Variants in LRMDA observed in about 807,000 individuals in gnomAD.
LRMDA encodes leucine rich melanocyte differentiation associated, also known as leucine-rich melanocyte differentiation-associated protein.
LRMDA carries 18 observed loss-of-function variants against 29.8 expected under a neutral mutation model. The observed-to-expected ratio is 0.60, with a 90% CI of 0.42 to 0.90. LRMDA has a LOEUF of 0.90. LRMDA is among the 40% of genes least tolerant of loss of function. The pLI is 0.00. For synonymous variants in LRMDA, 125 were observed against 109.4 expected (o/e 1.14, Z -0.89); for missense variants, 273 against 273.9 (o/e 1.00, Z 0.02).
At chr10:75,726,022 G>A (rs186989660) in intron 2 of LRMDA, among the ~76,000 whole-genome samples, 10 of 152,302 alleles carry the variant, frequency 6.6e-5, no homozygotes, top group South Asian at 6.2e-4. Context: ...CAAGGGGACC[G>A]TGAAGAGAGT....
chr10:75,620,845 T>G (rs1841172214), intron 2 of LRMDA, among the ~76,000 whole-genome samples: 1 of 152,214 alleles, frequency 6.6e-6, no homozygotes. Flanking sequence ...ATTTTTAACT[T>G]TTTTATTTCA....
At chr10:75,751,450 A>G (rs1842968795) in intron 2 of LRMDA, among the ~76,000 whole-genome samples, 1 of 152,198 alleles carries the variant, frequency 6.6e-6, no homozygotes, top group East Asian at 1.9e-4. Flanking sequence ...CATGGACACA[A>G]ATATTTGGGA....
chr10:75,743,779 A>AG, intron 2 of LRMDA: 2 of 152,316 alleles, frequency 1.3e-5, no homozygotes, highest in South Asian at 4.1e-4. Flanking sequence ...AAGAATTCTG[A>AG]GCATGTAGGA....
chr10:76,225,443 C>A (rs1231752127), intron 5 of LRMDA, among the ~76,000 whole-genome samples: 1 of 151,812 alleles, frequency 6.6e-6, no homozygotes, highest in Non-Finnish European at 1.5e-5. Context: ...GATATTTGAT[C>A]CCCAGTGTTG....
chr10:75,518,061 T>C (rs2132035758), intron 2 of LRMDA, among the ~76,000 whole-genome samples: 1 of 152,300 alleles, frequency 6.6e-6, no homozygotes, highest in African/African-American at 2.4e-5. Flanking sequence ...CACTTGATTG[T>C]GGTGGATAAG....
At chr10:75,761,677 T>C (rs1294001833) in intron 2 of LRMDA, among the ~76,000 whole-genome samples, 2 of 152,138 alleles carry the variant, frequency 1.3e-5, no homozygotes, top group Admixed American at 6.5e-5. Flanking sequence ...AAAATACTTA[T>C]AATGGTAAAT....
chr10:75,711,879 G>T (rs1331830571), intron 2 of LRMDA, among the ~76,000 whole-genome samples: 1 of 151,830 alleles, frequency 6.6e-6, no homozygotes, highest in East Asian at 1.9e-4. Context: ...TGATCATGTA[G>T]TATGTTTCTC....
At chr10:76,307,802 A>G (rs539114386) in intron 5 of LRMDA, among the ~76,000 whole-genome samples, 45 of 152,346 alleles carry the variant, frequency 3.0e-4, no homozygotes, top group African/African-American at 9.9e-4. Flanking sequence ...AACAAAGCTG[A>G]GATAGAAATT....
At chr10:76,366,272 G>A (rs1841391195) in intron 6 of LRMDA, among the ~76,000 whole-genome samples, 1 of 152,120 alleles carries the variant, frequency 6.6e-6, no homozygotes, top group African/African-American at 2.4e-5. Context: ...TTCTAATTCT[G>A]TGAAGAATGA....
At chr10:75,618,799 G>A (rs1468502296) in intron 2 of LRMDA, among the ~76,000 whole-genome samples, 2 of 145,998 alleles carry the variant, frequency 1.4e-5, no homozygotes, top group Non-Finnish European at 3.0e-5. Context: ...TTTTTGAGAT[G>A]GAATTTCACT....
intron 6 of LRMDA, among the ~76,000 whole-genome samples, chr10:76,511,686 C>A (rs920445419): frequency 9.3e-5 from 14 of 151,130 alleles, no homozygotes; most frequent in Non-Finnish European, 1.8e-4. Context: ...ATGTGTAAAA[C>A]TTACATGGTG....
intron 6 of LRMDA, among the ~76,000 whole-genome samples, chr10:76,458,183 T>A (rs573715498): frequency 5.9e-5 from 9 of 151,944 alleles, no homozygotes; most frequent in African/African-American, 2.2e-4. Context: ...TTTGTATATA[T>A]TTGCAGTCTG....
intron 2 of LRMDA, among the ~76,000 whole-genome samples, chr10:75,644,140 CA>C (rs1175626675): frequency 6.6e-6 from 1 of 152,098 alleles, no homozygotes; most frequent in Non-Finnish European, 1.5e-5. Context: ...CCTCTTATCC[CA>C]AGACAGGGAT....
chr10:75,816,145 T>C (rs750880285), intron 2 of LRMDA, among the ~76,000 whole-genome samples: 30 of 152,196 alleles, frequency 2.0e-4, no homozygotes, highest in Non-Finnish European at 1.3e-4. Flanking sequence ...ATTTTTCCAT[T>C]ATGGTTTCTT....
At chr10:76,490,716 T>C (rs1375449465) in intron 6 of LRMDA, among the ~76,000 whole-genome samples, 2 of 151,990 alleles carry the variant, frequency 1.3e-5, no homozygotes, top group Non-Finnish European at 1.5e-5. Context: ...TTATTATTAT[T>C]TTTTAATCCA....
intron 5 of LRMDA, among the ~76,000 whole-genome samples, chr10:76,079,666 A>G (rs1849019406): frequency 6.6e-6 from 1 of 152,232 alleles, no homozygotes; most frequent in Non-Finnish European, 1.5e-5. Flanking sequence ...TGGAAAAGAA[A>G]CAAGAAAATA....
At position 76,143,765 on chromosome 10, in the gene LRMDA, C is replaced by A. The variant is rs570016430; in HGVS notation, c.516+84982C>A. 4.6e-5 allele frequency among the ~76,000 whole-genome samples: 7 copies of A among 152,248 alleles called. No homozygotes were observed. The South Asian group carries it at 8.3e-4, about 18-fold the overall frequency. On this transcript the variant is annotated intron_variant, in intron 5 of 6. Transcript: ENST00000611255. ...TGGGGTTTTAAACATGAAGTCCTTG[C>A]CCATGCCTATGTCCTGAATGGTATT...
chr10:76,179,586 A>T (rs981538685), intron 5 of LRMDA, among the ~76,000 whole-genome samples: 1 of 152,124 alleles, frequency 6.6e-6, no homozygotes, highest in African/African-American at 2.4e-5. Flanking sequence ...GCTTCAAGGG[A>T]TTATAAAGAC....
intron 2 of LRMDA, among the ~76,000 whole-genome samples, chr10:75,582,636 C>T (rs7081114): frequency 0.025 from 3,798 of 152,274 alleles, 150 homozygotes; most frequent in African/African-American, 0.087. Context: ...AGGCATTTCC[C>T]CCATTGTTTT....
Sources: allele counts gnomAD v4.1 joint callset (sites outside exome capture counted in the v4.1 genomes callset), GRCh38; gene constraint gnomAD v4.1.1; transcripts MANE v1.5; gene names NCBI Gene and HGNC (gene_info 2026-07-23, HGNC 2026-07-21).